The following SNX29 variants were observed in gnomAD, a reference collection of about 807,000 sequenced individuals.
SNX29 encodes sorting nexin-29.
Under a neutral mutation model 102.1 loss-of-function variants are expected in SNX29, and 78 were observed. The observed-to-expected ratio is 0.76, with a 90% CI of 0.64 to 0.92. The LOEUF (loss-of-function observed/expected upper bound fraction) is 0.92, where lower values mean the gene tolerates loss of function less well. Among genes scored for constraint, SNX29 ranks in the 40% least tolerant of loss-of-function variants. The pLI, the probability that SNX29 is intolerant of heterozygous loss-of-function variation, is 0.00. For synonymous variants in SNX29, 580 were observed against 414.5 expected (o/e 1.40, Z -4.85); for missense variants, 1,280 against 1,061.7 (o/e 1.21, Z -2.86).
At chr16:12,220,188 G>A (rs1353656924) in intron 14 of SNX29, among the ~76,000 whole-genome samples, 1 of 152,198 alleles carries the variant, frequency 6.6e-6, no homozygotes, top group Non-Finnish European at 1.5e-5. Flanking sequence ...GAGAAGCTTG[G>A]GGTGCAGGTG....
Position 12,148,341 on chromosome 16 carries a change from C to G in SNX29, c.1595+18583C>G, listed in dbSNP as rs908216450. 2.6e-5 allele frequency among the ~76,000 whole-genome samples: 4 copies of G among 152,166 alleles called. No homozygotes were observed. In the East Asian group the frequency reaches 7.7e-4, roughly 29 times the overall value. On this transcript the variant is annotated intron_variant, in intron 13 of 20. Transcript: ENST00000566228. ...ATAGGCTTGCCTTTGAGCACATTCC[C>G]TCTTGTTTCTGGTAATGTGAGCTAA...
chr16:12,529,813 C>T lies in SNX29; in HGVS notation c.2318+4972C>T, dbSNP rs139073609. Among the ~76,000 whole-genome samples, 759 of 152,320 alleles carry T rather than the reference C, an allele frequency of 5.0e-3. 2 individuals carry two copies. Among genetic ancestry groups the T allele is most frequent in the African/African-American group, 0.017 (714 of 41,564 alleles). ...ATGCCACACCCTGACCTGTGCACTG[C>T]CAGGGGTCACTTGAACCTAAGCTGC... On this transcript the variant is annotated intron_variant, in intron 20 of 20. Transcript: ENST00000566228.
intron 18 of SNX29, among the ~76,000 whole-genome samples, chr16:12,436,696 GC>G (rs2151650018): frequency 6.6e-6 from 1 of 152,288 alleles, no homozygotes; most frequent in South Asian, 2.1e-4. Context: ...ACACAGTGTT[GC>G]CCTGTGGCCC....
intron 19 of SNX29, among the ~76,000 whole-genome samples, chr16:12,505,794 A>G (rs888547243): frequency 4.3e-5 from 6 of 140,130 alleles, no homozygotes; most frequent in South Asian, 2.4e-4. Flanking sequence ...GGCAACTGGG[A>G]TTTTGAGAAG....
At chr16:12,035,685 C>G (rs1173304584) in intron 4 of SNX29, among the ~76,000 whole-genome samples, 1 of 152,076 alleles carries the variant, frequency 6.6e-6, no homozygotes, top group Non-Finnish European at 1.5e-5. Flanking sequence ...GTGGCTGATT[C>G]TGTTAGAGTG....
chr16:12,337,814 C>A (rs890314639), intron 15 of SNX29, among the ~76,000 whole-genome samples: 1 of 152,214 alleles, frequency 6.6e-6, no homozygotes, highest in African/African-American at 2.4e-5. Flanking sequence ...TTGTCAGCAT[C>A]TTCCCTCATC....
chr16:12,491,290 A>G (rs1207350409), intron 19 of SNX29, among the ~76,000 whole-genome samples: 1 of 152,212 alleles, frequency 6.6e-6, no homozygotes, highest in Non-Finnish European at 1.5e-5. Context: ...GTGCCCATGA[A>G]TGAGGTTCCT....
intron 16 of SNX29, among the ~76,000 whole-genome samples, chr16:12,364,328 A>C (rs548413966): frequency 6.6e-6 from 1 of 152,188 alleles, no homozygotes; most frequent in Admixed American, 6.5e-5. Flanking sequence ...GGTGTGAGCC[A>C]CCAAACTTGG....
chr16:12,550,342 C>G (rs1367171471), intron 20 of SNX29, among the ~76,000 whole-genome samples: 1 of 152,080 alleles, frequency 6.6e-6, no homozygotes, highest in East Asian at 1.9e-4. Context: ...TGAGACCAGC[C>G]TAGCCAACAA....
At chr16:12,423,819 G>T (rs1290248853) in intron 18 of SNX29, among the ~76,000 whole-genome samples, 1 of 152,186 alleles carries the variant, frequency 6.6e-6, no homozygotes, top group Non-Finnish European at 1.5e-5. Flanking sequence ...TGATCCACCA[G>T]CCTCAGCTTC....
rs970434068 is a variant in SNX29 at position 12,570,816 on chromosome 16, A to G, written c.*2187A>G. On this transcript the variant is annotated 3_prime_UTR_variant, in exon 21 of 21. Transcript: ENST00000566228. ...CATTGCTGAGAGATACTAACCCGTG[A>G]GAAACAAGTATGCTCTCAGCTGGTA... The G allele has an allele frequency of 1.7e-5, 4 of 232,240 alleles. No homozygotes were observed. Among genetic ancestry groups the G allele is most frequent in the African/African-American group, 8.8e-5 (4 of 45,286 alleles). The allele number at this position is 232,240 out of a possible 1,614,324, so 14.4% of individuals were successfully genotyped here. A position where few individuals can be genotyped will look rare whatever the true frequency, so the allele number is the denominator to read the frequency against.
intron 19 of SNX29, among the ~76,000 whole-genome samples, chr16:12,518,293 C>G (rs749295688): frequency 6.6e-6 from 1 of 152,184 alleles, no homozygotes; most frequent in African/African-American, 2.4e-5. Context: ...CTACGTGGCT[C>G]TGCACGGTTT....
chr16:12,130,973 T>C (rs1049234664), intron 13 of SNX29, among the ~76,000 whole-genome samples: 4 of 152,128 alleles, frequency 2.6e-5, no homozygotes, highest in Admixed American at 2.0e-4. Context: ...ACCTTTGCAT[T>C]GGTTGTTTTT....
chr16:12,026,528 T>G (rs966215721), intron 3 of SNX29, among the ~76,000 whole-genome samples: 1 of 152,214 alleles, frequency 6.6e-6, no homozygotes, highest in Non-Finnish European at 1.5e-5. Flanking sequence ...TCAGGAGCCC[T>G]GAGAAGATTG....
intron 13 of SNX29, among the ~76,000 whole-genome samples, chr16:12,156,915 G>GT (rs540398068): frequency 4.5e-4 from 68 of 152,286 alleles, no homozygotes; most frequent in African/African-American, 1.6e-3. Flanking sequence ...CTTCTGTGGG[G>GT]TGGGCCTGCC....
intron 19 of SNX29, among the ~76,000 whole-genome samples, chr16:12,517,267 A>G (rs1256979829): frequency 1.3e-5 from 2 of 152,192 alleles, no homozygotes; most frequent in Admixed American, 6.5e-5. Flanking sequence ...TAGGAGCCCA[A>G]CCAGAAAACT....
intron 20 of SNX29, among the ~76,000 whole-genome samples, chr16:12,537,205 G>GAGCTT (rs1385487157): frequency 6.6e-6 from 1 of 152,178 alleles, no homozygotes; most frequent in African/African-American, 2.4e-5. Flanking sequence ...CTAAATTGCT[G>GAGCTT]AGCTTAGAGA....
intron 13 of SNX29, among the ~76,000 whole-genome samples, chr16:12,163,641 C>T (rs1044657367): frequency 3.9e-5 from 6 of 152,182 alleles, no homozygotes; most frequent in African/African-American, 1.4e-4. Flanking sequence ...AGAAGCTTCC[C>T]TCTATAGAAG....
chr16:11,995,642 C>G (rs974756270), intron 1 of SNX29, among the ~76,000 whole-genome samples: 3 of 137,604 alleles, frequency 2.2e-5, no homozygotes, highest in African/African-American at 8.6e-5. Context: ...GAGCAAAATA[C>G]TCTTAAAAAA....
Sources: allele counts gnomAD v4.1 joint callset (sites outside exome capture counted in the v4.1 genomes callset), GRCh38; gene constraint gnomAD v4.1.1; transcripts MANE v1.5; gene names NCBI Gene and HGNC (gene_info 2026-07-23, HGNC 2026-07-21).